The following ANKS1B variants were observed in gnomAD, a reference collection of about 807,000 sequenced individuals.
ANKS1B encodes the protein ankyrin repeat and sterile alpha motif domain-containing protein 1B.
In ANKS1B, 36 loss-of-function variants were observed where a neutral mutation model predicts 148.3. That is an observed-to-expected ratio of 0.24 (90% CI 0.19 to 0.32). The LOEUF (loss-of-function observed/expected upper bound fraction) is 0.32, where lower values mean the gene tolerates loss of function less well. Ranked by LOEUF, ANKS1B falls within the 10% of genes least tolerant of loss-of-function variation. The pLI is 1.00. For missense variants in ANKS1B, 1,157 were observed against 1,542.6 expected (o/e 0.75, Z 4.19); for synonymous variants, 542 against 560.8 (o/e 0.97, Z 0.47).
intron 17 of ANKS1B, among the ~76,000 whole-genome samples, chr12:99,026,224 A>T (rs946100223): frequency 6.6e-6 from 1 of 152,220 alleles, no homozygotes; most frequent in African/African-American, 2.4e-5. Context: ...AGCCAAACTT[A>T]AAATGAGTTA....
intron 4 of ANKS1B, among the ~76,000 whole-genome samples, chr12:99,798,279 A>G (rs1424857811): frequency 6.6e-6 from 1 of 152,010 alleles, no homozygotes; most frequent in African/African-American, 2.4e-5. Flanking sequence ...TGTGAGAAGC[A>G]AGACCCACAA....
At chr12:98,904,974 A>C (rs2099776951) in intron 17 of ANKS1B, among the ~76,000 whole-genome samples, 1 of 152,108 alleles carries the variant, frequency 6.6e-6, no homozygotes, top group South Asian at 2.1e-4. Context: ...TGAGATCTGT[A>C]ATTTCTTCAT....
chr12:99,213,115 A>G (rs768140915), intron 14 of ANKS1B, among the ~76,000 whole-genome samples: 23 of 152,008 alleles, frequency 1.5e-4, no homozygotes, highest in Non-Finnish European at 3.1e-4. Flanking sequence ...TTTGTCTCTG[A>G]GGTTCATTTC....
In ANKS1B at chr12:99,561,001, C is replaced by A. The variant is rs113181835; in HGVS notation, c.1273-56360G>T. Among the ~76,000 whole-genome samples, 682 of 152,048 alleles carry A rather than the reference C, an allele frequency of 4.5e-3. 3 individuals are homozygous for A. Among genetic ancestry groups the A allele is most frequent in the Non-Finnish European group, 7.6e-3 (514 of 67,968 alleles). ...AGCTGGGACTACAGGCGCCTGCCAC[C>A]ATGCCCAGCTAATTTTTTGTATTTT... On this transcript the variant is annotated intron_variant, in intron 9 of 26. Coordinates refer to ENST00000683438, the MANE Select transcript of ANKS1B (RefSeq NM_001352186.2).
chr12:98,735,709 C>A (rs1347563702), intron 9 of ANKS1B: 1 of 656,056 alleles, frequency 1.5e-6, no homozygotes, highest in Middle Eastern at 2.5e-4. Context: ...TGAGATGTAC[C>A]ATGTGCCTGG....
rs186644216 is a variant in ANKS1B, at chr12:98,931,116, T to G, written c.2779-98980A>C. On this transcript the variant is annotated intron_variant, in intron 17 of 26. Coordinates refer to ENST00000683438, the MANE Select transcript of ANKS1B (RefSeq NM_001352186.2). Reference sequence around the variant, plus strand: ...GAGTTGTTAGGCTACTCTCCTGTCCTGGAAAGTGAAATCAACCTGATTCTG... The same window carrying G: ...GAGTTGTTAGGCTACTCTCCTGTCCGGGAAAGTGAAATCAACCTGATTCTG... Among the ~76,000 whole-genome samples, 829 of 152,266 alleles carry G rather than the reference T, an allele frequency of 5.4e-3. 4 individuals carry two copies. The highest frequency in any genetic ancestry group is 0.01 in the Middle Eastern group (3 of 294).
intron 9 of ANKS1B, among the ~76,000 whole-genome samples, chr12:99,580,069 C>T (rs1167894749): frequency 6.6e-6 from 1 of 152,068 alleles, no homozygotes; most frequent in East Asian, 1.9e-4. Context: ...CAGCTAGAAA[C>T]CATTATTCTA....
chr12:99,708,331 A>G (rs781160406), intron 8 of ANKS1B, among the ~76,000 whole-genome samples: 4 of 152,168 alleles, frequency 2.6e-5, no homozygotes, highest in Non-Finnish European at 4.4e-5. Context: ...TTGAGGACTA[A>G]GGCTCACATT....
chr12:99,068,022 GTTA>G (rs1374519376), intron 16 of ANKS1B, among the ~76,000 whole-genome samples: 1 of 151,830 alleles, frequency 6.6e-6, no homozygotes, highest in Non-Finnish European at 1.5e-5. Flanking sequence ...AGTTTTAGTA[GTTA>G]TTATTTATTT....
At position 99,590,258 on chromosome 12, in the gene ANKS1B, C is replaced by CCCA. The variant is rs1555503129; in HGVS notation, c.1272+64808_1272+64809insTGG. 2.1e-3 allele frequency among the ~76,000 whole-genome samples: 284 copies of CCCA among 132,866 alleles called. 1 individual carries two copies. Among genetic ancestry groups the CCCA allele is most frequent in the South Asian group, 0.018 (69 of 3,910 alleles). The allele number at this position is 132,866 out of a possible 152,430, so 87.2% of individuals were successfully genotyped here. Reference sequence around the variant, plus strand: ...AACATTCACTCACACCCACACCCACCCACACACACACACACACACACACAC... The same window carrying CCCA: ...AACATTCACTCACACCCACACCCACCCCACACACACACACACACACACACACAC... On this transcript the variant is annotated intron_variant, in intron 9 of 26. Transcript: ENST00000683438.
intron 8 of ANKS1B, among the ~76,000 whole-genome samples, chr12:99,689,746 C>G (rs2098668844): frequency 6.6e-6 from 1 of 152,176 alleles, no homozygotes; most frequent in African/African-American, 2.4e-5. Flanking sequence ...TTGAAAGCAA[C>G]TCTCCTCCAA....
At chr12:99,090,521 T>C (rs985393498) in intron 15 of ANKS1B, among the ~76,000 whole-genome samples, 9 of 152,168 alleles carry the variant, frequency 5.9e-5, no homozygotes, top group Non-Finnish European at 2.9e-5. Flanking sequence ...TTCTCCACAA[T>C]TTATGTGACC....
intron 17 of ANKS1B, among the ~76,000 whole-genome samples, chr12:98,920,816 A>G (rs958641357): frequency 6.6e-6 from 1 of 152,224 alleles, no homozygotes; most frequent in Non-Finnish European, 1.5e-5. Flanking sequence ...TTTATCTTTA[A>G]ATCATTGATC....
rs143339967 is a variant in ANKS1B, at chr12:99,440,739, G to GC, written c.1575+2933dup. 5.1e-3 allele frequency among the ~76,000 whole-genome samples: 768 copies of GC among 151,946 alleles called. 3 individuals carry two copies. The highest frequency in any genetic ancestry group is 0.018 in the African/African-American group (736 of 41,500). On this transcript the variant is annotated intron_variant, in intron 11 of 26. Coordinates refer to ENST00000683438, the MANE Select transcript of ANKS1B (RefSeq NM_001352186.2). ...CAGAAACACATGCAATGTGTTATCA[G>GC]CCCTATCTCATATTGAAAGCAAGGA...
intron 12 of ANKS1B, among the ~76,000 whole-genome samples, chr12:99,275,983 T>G (rs1343458510): frequency 1.3e-5 from 2 of 152,174 alleles, no homozygotes; most frequent in Non-Finnish European, 2.9e-5. Flanking sequence ...AACTTGATGA[T>G]GCTTCCCTGA....
chr12:99,390,564 C>T (rs894170862), intron 12 of ANKS1B, among the ~76,000 whole-genome samples: 1 of 152,174 alleles, frequency 6.6e-6, no homozygotes, highest in African/African-American at 2.4e-5. Flanking sequence ...CCTTTCTGGG[C>T]ACTGGCCTCG....
At chr12:98,816,101 T>A (rs1044064937) in intron 19 of ANKS1B, among the ~76,000 whole-genome samples, 1 of 152,124 alleles carries the variant, frequency 6.6e-6, no homozygotes, top group Non-Finnish European at 1.5e-5. Flanking sequence ...CCTCATAGCC[T>A]CTGCATTTGC....
chr12:99,552,396 C>T (rs2097228984), intron 9 of ANKS1B, among the ~76,000 whole-genome samples: 1 of 152,084 alleles, frequency 6.6e-6, no homozygotes, highest in Admixed American at 6.5e-5. Context: ...GTTTTTATTT[C>T]CAATTAGATT....
At chr12:99,876,753 G>A (rs114279530) in intron 1 of ANKS1B, among the ~76,000 whole-genome samples, 11,814 of 151,252 alleles carry the variant, frequency 0.078, 546 homozygotes, top group South Asian at 0.12. Context: ...AAGAGAGAGA[G>A]AGGAAAGAAA....
Sources: gnomAD v4.1 joint callset for allele counts (sites outside exome capture counted in the v4.1 genomes callset) on GRCh38, gnomAD v4.1.1 for gene constraint, MANE v1.5 for transcripts, NCBI Gene and HGNC (gene_info 2026-07-23, HGNC 2026-07-21) for gene names.